Variants in AQR observed in about 807,000 individuals in gnomAD.
AQR encodes aquarius intron-binding spliceosomal factor.
Under a neutral mutation model 180.5 loss-of-function variants are expected in AQR, and 61 were observed. The ratio of observed to expected loss-of-function variants is 0.34; its 90% CI spans 0.28 to 0.42. AQR has a LOEUF of 0.42. AQR is among the 10% of genes least tolerant of loss of function. AQR has a pLI of 1.00. For missense variants in AQR, 1,281 were observed against 1,798.3 expected, an observed-to-expected ratio of 0.71 and a Z score of 5.20; for synonymous variants, 551 against 588.8, an observed-to-expected ratio of 0.94 and a Z score of 0.93.
In AQR at chr15:34,852,496, A is replaced by T. The variant is rs914056258; in HGVS notation, c.*4296T>A. On this transcript the variant is annotated 3_prime_UTR_variant, in exon 35 of 35. Transcript: ENST00000156471. The stretch of plus-strand genomic sequence containing the variant: ...CGTGTTCTAAGGAAATAGCTACCTA[A>T]GGTATCTTATTAAAACAAATGAACA... The T allele has an allele frequency of 1.3e-5, 2 of 152,156 alleles. No individual in the cohort carries two copies. Among genetic ancestry groups the T allele is most frequent in the Middle Eastern group, 3.2e-3 (1 of 316 alleles). The allele number at this position is 152,156 out of a possible 1,614,324, so 9.4% of individuals were successfully genotyped here.
At position 34,871,039 on chromosome 15, in the gene AQR, G is replaced by C. The variant is rs1015903731; in HGVS notation, c.3598-117C>G. The C allele has an allele frequency of 1.6e-5, 15 of 917,584 alleles. No homozygotes were observed. The Admixed American group carries it at 3.6e-4, about 22-fold the overall frequency. The allele number at this position is 917,584 out of a possible 1,614,324, so 56.8% of individuals were successfully genotyped here. ...CACTTTGCACACTGCAAGAAGTGAA[G>C]ACTTAGTAACTTGGATAAGTGAGTA... is the stretch of plus-strand genomic sequence containing the variant. On this transcript the variant is annotated intron_variant, in intron 30 of 34. Transcript: ENST00000156471.
chr15:34,876,887 T>C (rs534925589), intron 27 of AQR, among the ~76,000 whole-genome samples: 11 of 152,208 alleles, frequency 7.2e-5, no homozygotes, highest in Non-Finnish European at 1.2e-4. Context: ...TTTAGTCTAG[T>C]TGGTTCTTTC....
intron 2 of AQR, among the ~76,000 whole-genome samples, chr15:34,962,997 G>C (rs550903468): frequency 1.5e-4 from 23 of 152,170 alleles, no homozygotes; most frequent in Admixed American, 9.2e-4. Context: ...CTCTTTAAGG[G>C]ACAGGGTCTC....
chr15:34,863,088 A>T, intron 32 of AQR, 47 bp from the exon 33 acceptor site: 1 of 1,520,658 alleles, frequency 6.6e-7, no homozygotes, highest in Non-Finnish European at 8.9e-7. Flanking sequence ...GATTATTAAC[A>T]TTTAAGCAGC....
chr15:34,884,018 A>C (rs1247088965), intron 26 of AQR, among the ~76,000 whole-genome samples: 1 of 152,228 alleles, frequency 6.6e-6, no homozygotes, highest in Non-Finnish European at 1.5e-5. Context: ...TGACGGAAGC[A>C]TTCCTTTCTC....
chr15:34,895,058 C>G (rs1372264651), intron 22 of AQR, among the ~76,000 whole-genome samples: 1 of 144,754 alleles, frequency 6.9e-6, no homozygotes, highest in African/African-American at 2.5e-5. Flanking sequence ...ATCCCAGCTA[C>G]TCAGGTGGCT....
In AQR at chr15:34,870,833, T is replaced by C. The variant is rs369905869; in HGVS notation, c.3687A>G (p.Thr1229=). ...GAATAAGATGCTTTTGGCCATTATATGTTGTTAGAATACTGATTTTGTCAG... is the reference window on the plus strand; with the variant it reads ...GAATAAGATGCTTTTGGCCATTATACGTTGTTAGAATACTGATTTTGTCAG... ...YPADKISILT[T]YNGQKHLIRD... is the part of the protein sequence containing the mutation. The change falls in exon 31 of 35, where the codon ACA becomes ACG. Residue 1229 remains threonine, a synonymous_variant. Coordinates refer to ENST00000156471, the MANE Select transcript of AQR (RefSeq NM_014691.3). 3 of 1,613,432 alleles carry C rather than the reference T, an allele frequency of 1.9e-6. No homozygotes were observed. The highest frequency in any genetic ancestry group is 1.3e-5 in the African/African-American group (1 of 74,894).
chr15:34,930,818 CTTTTTTTTTT>C (rs77229498), intron 11 of AQR, among the ~76,000 whole-genome samples: 1 of 84,762 alleles, frequency 1.2e-5, no homozygotes, highest in Non-Finnish European at 2.2e-5. Flanking sequence ...TACGCCACTT[CTTTTTTTTTT>C]TTTTTTTTTT....
chr15:34,956,664 A>AAGAAC (rs1894322141), intron 3 of AQR, among the ~76,000 whole-genome samples: 1 of 150,704 alleles, frequency 6.6e-6, no homozygotes, highest in South Asian at 2.1e-4. Flanking sequence ...AAAAAAATAA[A>AAGAAC]AGAACAGAAC....
intron 3 of AQR, among the ~76,000 whole-genome samples, chr15:34,959,218 A>C (rs1162172293): frequency 6.6e-6 from 1 of 152,190 alleles, no homozygotes; most frequent in Admixed American, 6.5e-5. Context: ...GCTAGAGTGC[A>C]GTGGCACAAC....
At chr15:34,867,829 T>C (rs763056926) in intron 31 of AQR, 4 of 405,998 alleles carry the variant, frequency 9.9e-6, no homozygotes, top group Non-Finnish European at 1.7e-5. Context: ...CTTACAGCAC[T>C]TGTCTTTACC....
Position 34,918,360 on chromosome 15 carries a change from G to C in AQR, c.1240C>G (p.Arg414Gly), listed in dbSNP as rs756553023. 4 of 1,613,128 alleles carry C rather than the reference G, an allele frequency of 2.5e-6. No homozygotes were observed. Among genetic ancestry groups the C allele is most frequent in the Non-Finnish European group, 3.4e-6 (4 of 1,179,604 alleles). The change falls in exon 15 of 35, where the codon CGA (arginine) becomes GGA (glycine). Residue 414 changes from arginine to glycine, a missense_variant. Arg to Gly is a moderately radical substitution (Grantham distance 125). Coordinates refer to ENST00000156471, the MANE Select transcript of AQR (RefSeq NM_014691.3). Reference sequence around the variant, plus strand: ...TTCAACTGCTGAATCTGAGAAATTCGACGTTCATGACGAGATACCTAAAAT... The same window carrying C: ...TTCAACTGCTGAATCTGAGAAATTCCACGTTCATGACGAGATACCTAAAAT... ...LELLVSRHERRISQIQQLNQM... is the reference protein window; with the variant it reads ...LELLVSRHERGISQIQQLNQM...
intron 34 of AQR, 92 bp from the exon 35 acceptor site, chr15:34,857,198 A>G: frequency 8.2e-7 from 1 of 1,216,644 alleles, no homozygotes; most frequent in Non-Finnish European, 1.1e-6. Context: ...GTTCTCCAAA[A>G]CAGTGCTGAC....
At chr15:34,925,982 A>G (rs1041132120) in intron 13 of AQR, among the ~76,000 whole-genome samples, 131 of 151,992 alleles carry the variant, frequency 8.6e-4, no homozygotes, top group African/African-American at 3.1e-3. Context: ...CTTGGCTAAC[A>G]CGGTGAAACC....
chr15:34,927,153 C>G lies in AQR; in HGVS notation c.1015-15G>C. 1 of 1,442,420 alleles carries G rather than the reference C, an allele frequency of 6.9e-7. No individual in the cohort carries two copies. Among genetic ancestry groups the G allele is most frequent in the Non-Finnish European group, 9.5e-7 (1 of 1,057,348 alleles). The allele number at this position is 1,442,420 out of a possible 1,614,324, so 89.4% of individuals were successfully genotyped here. ...AAAGCAGCTCTCTAGAAAATAATGG[C>G]AAAAAATATTAATAATTAATGTCTA... On this transcript the variant is annotated splice_polypyrimidine_tract_variant and intron_variant, in intron 12 of 34. Transcript: ENST00000156471.
At chr15:34,899,548 T>C (rs1255587834) in intron 20 of AQR, among the ~76,000 whole-genome samples, 1 of 151,792 alleles carries the variant, frequency 6.6e-6, no homozygotes, top group Non-Finnish European at 1.5e-5. Flanking sequence ...CTAATTTTTT[T>C]TTTTTTAATA....
chr15:34,964,704 T>G (rs2140510494), intron 1 of AQR, among the ~76,000 whole-genome samples: 1 of 111,896 alleles, frequency 8.9e-6, no homozygotes, highest in East Asian at 2.6e-4. Context: ...TCTTCATGAA[T>G]GCTTTCCTAA....
intron 5 of AQR, 44 bp downstream of exon 5, chr15:34,948,220 A>T: frequency 6.2e-7 from 1 of 1,606,438 alleles, no homozygotes; most frequent in Non-Finnish European, 8.5e-7. Context: ...GTAATGGCTT[A>T]TGTGGGTCAG....
At chr15:34,861,939 C>T (rs546430847) in intron 33 of AQR, among the ~76,000 whole-genome samples, 7 of 151,430 alleles carry the variant, frequency 4.6e-5, no homozygotes, top group African/African-American at 1.7e-4. Context: ...CCAATGGACC[C>T]CCCTAGGACA....
Sources: gnomAD v4.1 joint callset for allele counts (sites outside exome capture counted in the v4.1 genomes callset) on GRCh38, gnomAD v4.1.1 for gene constraint, MANE v1.5 for transcripts, NCBI Gene and HGNC (gene_info 2026-07-23, HGNC 2026-07-21) for gene names.